SFTPD: variants seen among roughly 807,000 people sequenced by gnomAD.
The protein encoded by SFTPD is surfactant protein D.
Under a neutral mutation model 34.6 loss-of-function variants are expected in SFTPD, and 18 were observed. The ratio of observed to expected loss-of-function variants is 0.52; its 90% confidence interval spans 0.36 to 0.77. SFTPD has a LOEUF of 0.77. Among genes scored for constraint, SFTPD ranks in the 30% least tolerant of loss-of-function variants. The pLI is 0.00. For missense variants in SFTPD, 433 were observed against 468.9 expected, an observed-to-expected ratio of 0.92 and a Z score of 0.71; for synonymous variants, 155 against 180.9, an observed-to-expected ratio of 0.86 and a Z score of 1.15.
chr10:79,946,466 T>C lies in SFTPD; in HGVS notation c.194A>G (p.Asp65Gly). The C allele has an allele frequency of 1.9e-6, 3 of 1,612,564 alleles. No individual in the cohort carries two copies. In the South Asian group the frequency reaches 3.3e-5, roughly 18 times the overall value. Residue 65 changes from aspartate (D) to glycine (G), a missense_variant, in exon 2 of 8, where the codon GAC (aspartate) becomes GGC (glycine). Asp to Gly is a moderately conservative substitution (Grantham distance 94). Transcript: ENST00000372292. ...AGCCCAGGGCCCCACCCTACCTGGG[T>C]CCCCCTTCTCGCCCCGAGGGCCCTC... is the stretch of plus-strand genomic sequence containing the variant. Reference protein sequence around the residue: ...GREGPRGEKGDPGLPGAAGQA... With the variant: ...GREGPRGEKGGPGLPGAAGQA...
chr10:79,943,311 G>A (rs1842634680), intron 2 of SFTPD, among the ~76,000 whole-genome samples: 1 of 152,160 alleles, frequency 6.6e-6, no homozygotes, highest in African/African-American at 2.4e-5. Context: ...TTCACTAAGA[G>A]CCATCTATGC....
intron 1 of SFTPD, chr10:79,970,157 G>A (rs964292424): frequency 1.3e-5 from 2 of 152,094 alleles, no homozygotes; most frequent in African/African-American, 4.8e-5. Context: ...GAGTGTTCTT[G>A]GCATCTTTTT....
upstream of SFTPD, among the ~76,000 whole-genome samples, chr10:79,952,662 T>G (rs531956977): frequency 3.9e-5 from 6 of 152,296 alleles, no homozygotes; most frequent in African/African-American, 1.2e-4. Flanking sequence ...TGCTGCAGTC[T>G]AAGTGGGTTC....
intron 1 of SFTPD, among the ~76,000 whole-genome samples, chr10:79,947,679 G>C (rs975168514): frequency 1.3e-5 from 2 of 152,136 alleles, no homozygotes; most frequent in African/African-American, 4.8e-5. Context: ...AAGAGAGTGA[G>C]ACTCCATCTC....
intron 1 of SFTPD, among the ~76,000 whole-genome samples, chr10:79,976,661 T>A (rs1331402880): frequency 1.3e-5 from 2 of 152,176 alleles, no homozygotes; most frequent in Non-Finnish European, 2.9e-5. Context: ...TTCTGAGAAC[T>A]GGGGACAAGA....
chr10:79,977,247 A>G (rs1283789848), intron 1 of SFTPD, among the ~76,000 whole-genome samples: 4 of 152,170 alleles, frequency 2.6e-5, no homozygotes, highest in Admixed American at 6.5e-5. Flanking sequence ...GTGACCCTCA[A>G]TCAAGATCTT....
chr10:79,962,733 G>T (rs1370098133), intron 1 of SFTPD, among the ~76,000 whole-genome samples: 2 of 151,998 alleles, frequency 1.3e-5, no homozygotes, highest in East Asian at 3.9e-4. Context: ...ATTTTTTAAG[G>T]ATCATATTAA....
chr10:79,946,733 T>TTCTTGTCACC, intron 1 of SFTPD, 71 bp from the exon 2 acceptor site: 1 of 1,408,208 alleles, frequency 7.1e-7, no homozygotes, highest in South Asian at 1.2e-5. Context: ...TTGGCTCAGC[T>TTCTTGTCACC]TCTAGAGGTG....
At chr10:79,942,117 G>T in intron 4 of SFTPD, 47 bp from the exon 5 acceptor site, 1 of 1,397,020 alleles carries the variant, frequency 7.2e-7, no homozygotes. Context: ...AGCGCGTTCA[G>T]CAGGTGTGGT....
chr10:79,955,366 T>G (rs1485049791), intron 1 of SFTPD, among the ~76,000 whole-genome samples: 1 of 152,138 alleles, frequency 6.6e-6, no homozygotes, highest in East Asian at 1.9e-4. Flanking sequence ...AGAGTAAGGT[T>G]TTATCTTAAA....
intron 1 of SFTPD, among the ~76,000 whole-genome samples, chr10:79,955,976 A>G (rs771338046): frequency 2.6e-5 from 4 of 152,238 alleles, no homozygotes; most frequent in Non-Finnish European, 4.4e-5. Flanking sequence ...GAGGCAGAAA[A>G]AAATATGAAG....
chr10:79,968,890 A>T (rs1842819159), intron 1 of SFTPD: 1 of 151,558 alleles, frequency 6.6e-6, no homozygotes. Context: ...ATGGTATCTC[A>T]TGGTTCTTAT....
chr10:79,942,207 T>G, intron 4 of SFTPD, 137 bp from the exon 5 acceptor site: 1 of 761,616 alleles, frequency 1.3e-6, no homozygotes, highest in Non-Finnish European at 2.2e-6. Context: ...TTTCTGGGGC[T>G]CCTCTGTGGA....
chr10:79,946,552 G>A lies in SFTPD; in HGVS notation c.108C>T (p.Thr36=). The change falls in exon 2 of 8, where the codon ACC becomes ACT. Residue 36 remains threonine, a synonymous_variant. Transcript: ENST00000372292. ...YSHRTMPSAC[T]LVMCSSVESG... Reference sequence around the variant, plus strand: ...TCTCCACTGAGCTACACATGACCAGGGTGCAAGCACTGGGCATTGTTCTGT... The same window carrying A: ...TCTCCACTGAGCTACACATGACCAGAGTGCAAGCACTGGGCATTGTTCTGT... The A allele has an allele frequency of 1.2e-6, 2 of 1,614,086 alleles. No homozygotes were observed. Among genetic ancestry groups the A allele is most frequent in the Non-Finnish European group, 1.7e-6 (2 of 1,179,940 alleles).
chr10:79,958,347 C>T (rs1842752075), intron 1 of SFTPD, among the ~76,000 whole-genome samples: 1 of 152,188 alleles, frequency 6.6e-6, no homozygotes, highest in African/African-American at 2.4e-5. Flanking sequence ...TTAAAAGACA[C>T]AGACTGGCAA....
upstream of SFTPD, among the ~76,000 whole-genome samples, chr10:79,953,041 C>A (rs977744250): frequency 1.3e-5 from 2 of 152,226 alleles, no homozygotes; most frequent in African/African-American, 4.8e-5. Flanking sequence ...AGCACCACAG[C>A]TTTTTCCTGT....
chr10:79,959,733 C>T (rs1842761382), intron 1 of SFTPD, among the ~76,000 whole-genome samples: 1 of 152,294 alleles, frequency 6.6e-6, no homozygotes, highest in South Asian at 2.1e-4. Flanking sequence ...AGAGCTGGTA[C>T]CATTCCTTCT....
chr10:79,951,577 G>A (rs538447431), upstream of SFTPD, among the ~76,000 whole-genome samples: 4 of 152,304 alleles, frequency 2.6e-5, no homozygotes, highest in Non-Finnish European at 4.4e-5. Flanking sequence ...ACCTTCTGAG[G>A]GGCTGGGAAT....
Position 79,938,029 on chromosome 10 carries a change from A to G in SFTPD, c.951T>C (p.Asp317=), listed in dbSNP as rs2132489056. 1 of 1,613,986 alleles carries G rather than the reference A, an allele frequency of 6.2e-7. No individual in the cohort carries two copies. The highest frequency in any genetic ancestry group is 1.1e-5 in the South Asian group (1 of 91,084). ...KNEAAFLSMT[D]SKTEGKFTYP... is the part of the protein sequence containing the mutation. ...AGGTGAACTTGCCCTCTGTCTTGGA[A>G]TCAGTCATGCTCAGGAAAGCAGCCT... The change falls in exon 8 of 8, where the codon GAT becomes GAC. Residue 317 remains aspartate, a synonymous_variant. Coordinates refer to ENST00000372292, the MANE Select transcript of SFTPD (RefSeq NM_003019.5).
Sources: gnomAD v4.1 joint callset for allele counts (sites outside exome capture counted in the v4.1 genomes callset) on GRCh38, gnomAD v4.1.1 for gene constraint, MANE v1.5 for transcripts, NCBI Gene and HGNC (gene_info 2026-07-23, HGNC 2026-07-21) for gene names.